CDH18: variants seen among roughly 807,000 people sequenced by gnomAD.
The protein encoded by CDH18 is cadherin-18.
CDH18 carries 31 observed loss-of-function variants against 67.9 expected under a neutral mutation model. That is an observed-to-expected ratio of 0.46 (90% CI 0.34 to 0.62). The LOEUF (loss-of-function observed/expected upper bound fraction) is 0.62. CDH18 is among the 20% of genes least tolerant of loss of function. The probability of loss-of-function intolerance (pLI) is 0.01; values close to 1 mark genes in which losing one functional copy is unlikely to be tolerated. For synonymous variants in CDH18, 362 were observed against 347.2 expected, an observed-to-expected ratio of 1.04 and a Z score of -0.48; for missense variants, 890 against 975.5, an observed-to-expected ratio of 0.91 and a Z score of 1.17.
intron 2 of CDH18, among the ~76,000 whole-genome samples, chr5:20,221,442 A>G (rs1316373899): frequency 1.3e-5 from 2 of 152,142 alleles, no homozygotes; most frequent in African/African-American, 4.8e-5. Flanking sequence ...AATAGAGAGT[A>G]GAATAATAGT....
At position 20,288,532 on chromosome 5, in the gene CDH18, T is replaced by A. The variant is rs1746861488; in HGVS notation, c.-579-33027A>T. 3.3e-5 allele frequency among the ~76,000 whole-genome samples: 5 copies of A among 151,712 alleles called. No homozygotes were observed. The South Asian group carries it at 1.0e-3, about 31-fold the overall frequency. Reference sequence around the variant, plus strand: ...TGATTTTTATTGTAAGTCTAGCAAATCTCCACTATTATTTTCTGGTACAGA... The same window carrying A: ...TGATTTTTATTGTAAGTCTAGCAAAACTCCACTATTATTTTCTGGTACAGA... On this transcript the variant is annotated intron_variant, in intron 1 of 14. Coordinates refer to the CDH18 transcript ENST00000507958.
In CDH18 at chr5:19,544,018, A is replaced by C. The variant is rs781271645; in HGVS notation, c.1254-13T>G. 1 of 1,502,320 alleles carries C rather than the reference A, an allele frequency of 6.7e-7. No homozygotes were observed. Among genetic ancestry groups the C allele is most frequent in the East Asian group, 2.3e-5 (1 of 44,084 alleles). 93.1% of individuals were successfully genotyped at this position (1,502,320 alleles called of 1,614,324 possible). A position where few individuals can be genotyped will look rare whatever the true frequency, so the allele number is the denominator to read the frequency against. On this transcript the variant is annotated splice_polypyrimidine_tract_variant and intron_variant, in intron 8 of 12. Coordinates refer to ENST00000382275, the MANE Select transcript of CDH18 (RefSeq NM_004934.5). ...GTTGATGAAGTATCTAGAGAAAAAA[A>C]GAGAAGTTTTTACTTGATGTTATAA...
chr5:19,926,553 G>A (rs1158174034), intron 2 of CDH18, among the ~76,000 whole-genome samples: 2 of 152,040 alleles, frequency 1.3e-5, no homozygotes, highest in African/African-American at 2.4e-5. Flanking sequence ...CTAACATTTT[G>A]ATTTGTAAAT....
intron 4 of CDH18, among the ~76,000 whole-genome samples, chr5:19,733,139 C>A (rs539975302): frequency 6.6e-6 from 1 of 152,256 alleles, no homozygotes; most frequent in East Asian, 1.9e-4. Context: ...GTGGGCATCC[C>A]ATGAAACCTC....
At chr5:20,496,070 G>A (rs1321030301) in intron 1 of CDH18, among the ~76,000 whole-genome samples, 2 of 152,106 alleles carry the variant, frequency 1.3e-5, no homozygotes, top group South Asian at 4.1e-4. Flanking sequence ...AATGGAACAG[G>A]AAACAGATAA....
At chr5:19,892,383 G>A (rs1381932162) in intron 2 of CDH18, among the ~76,000 whole-genome samples, 1 of 152,072 alleles carries the variant, frequency 6.6e-6, no homozygotes, top group Non-Finnish European at 1.5e-5. Flanking sequence ...TTCATATTGA[G>A]AAAGGGTTGG....
intron 1 of CDH18, among the ~76,000 whole-genome samples, chr5:20,349,103 G>T (rs964152820): frequency 3.9e-5 from 6 of 152,038 alleles, no homozygotes; most frequent in African/African-American, 1.4e-4. Flanking sequence ...TACTTTTATA[G>T]ACTATGATTT....
chr5:20,019,769 CA>C (rs1165779674), intron 2 of CDH18, among the ~76,000 whole-genome samples: 8 of 152,056 alleles, frequency 5.3e-5, no homozygotes, highest in African/African-American at 1.7e-4. Flanking sequence ...AAATTGGCAC[CA>C]GGGGTGGGGC....
At chr5:20,379,075 C>T (rs1252855818) in intron 1 of CDH18, among the ~76,000 whole-genome samples, 1 of 151,860 alleles carries the variant, frequency 6.6e-6, no homozygotes, top group Non-Finnish European at 1.5e-5. Flanking sequence ...ATTCTGTTAC[C>T]TTAGGGGTAT....
intron 5 of CDH18, among the ~76,000 whole-genome samples, chr5:19,619,235 T>C (rs941423947): frequency 6.6e-6 from 1 of 152,216 alleles, no homozygotes; most frequent in Non-Finnish European, 1.5e-5. Flanking sequence ...GTTTCTACTC[T>C]GTATAAAATG....
chr5:20,180,000 A>G (rs942279700), intron 2 of CDH18, among the ~76,000 whole-genome samples: 1 of 152,150 alleles, frequency 6.6e-6, no homozygotes, highest in Non-Finnish European at 1.5e-5. Context: ...GGAATAAAAT[A>G]TGAAATGCTC....
intron 6 of CDH18, among the ~76,000 whole-genome samples, chr5:19,603,381 A>G (rs1298483844): frequency 6.6e-6 from 1 of 152,124 alleles, no homozygotes; most frequent in East Asian, 1.9e-4. Context: ...TACCCATTAA[A>G]CAATGGGTAC....
chr5:20,490,265 G>C (rs546088332), intron 1 of CDH18, among the ~76,000 whole-genome samples: 10 of 152,124 alleles, frequency 6.6e-5, no homozygotes, highest in African/African-American at 2.2e-4. Flanking sequence ...CATTTTTAGA[G>C]ACTGTAAAAT....
chr5:20,210,878 A>G (rs1740300105), intron 2 of CDH18, among the ~76,000 whole-genome samples: 2 of 151,942 alleles, frequency 1.3e-5, no homozygotes, highest in South Asian at 4.1e-4. Context: ...AGTAATGACT[A>G]CTACATTTTT....
At chr5:19,488,992 A>T (rs1363371273) in intron 11 of CDH18, among the ~76,000 whole-genome samples, 1 of 152,006 alleles carries the variant, frequency 6.6e-6, no homozygotes, top group African/African-American at 2.4e-5. Context: ...ATATGTCATT[A>T]TGTTCTGATC....
At chr5:20,471,867 G>A (rs1300910627) in intron 1 of CDH18, among the ~76,000 whole-genome samples, 4 of 48,098 alleles carry the variant, frequency 8.3e-5, no homozygotes, top group Non-Finnish European at 1.9e-4. Context: ...AGCATTGATA[G>A]CTTAATTGCC....
chr5:20,500,889 G>T (rs1186367012), intron 1 of CDH18, among the ~76,000 whole-genome samples: 1 of 152,122 alleles, frequency 6.6e-6, no homozygotes, highest in Non-Finnish European at 1.5e-5. Context: ...ACATTACAAA[G>T]TAATACTTGA....
chr5:19,883,354 G>A lies in CDH18; in HGVS notation c.-256-44112C>T, dbSNP rs73762047. 2.3e-3 allele frequency among the ~76,000 whole-genome samples: 345 copies of A among 152,096 alleles called. 1 individual carries two copies. The highest frequency in any genetic ancestry group is 7.7e-3 in the African/African-American group (320 of 41,536). On this transcript the variant is annotated intron_variant, in intron 2 of 12. Transcript: ENST00000382275. Reference sequence around the variant, plus strand: ...TTAGAGTAGCACTCAAGTCACTGACGAAATCACAAGCAGTTTATACACTGA... The same window carrying A: ...TTAGAGTAGCACTCAAGTCACTGACAAAATCACAAGCAGTTTATACACTGA...
At chr5:20,421,202 T>C (rs550612794) in intron 1 of CDH18, among the ~76,000 whole-genome samples, 47 of 151,234 alleles carry the variant, frequency 3.1e-4, no homozygotes, top group Middle Eastern at 6.8e-3. Context: ...CATCAGCATA[T>C]TCAGGAGCAG....
Sources: allele counts gnomAD v4.1 joint callset (sites outside exome capture counted in the v4.1 genomes callset), GRCh38; gene constraint gnomAD v4.1.1; transcripts MANE v1.5; gene names NCBI Gene and HGNC (gene_info 2026-07-23, HGNC 2026-07-21).